ATP2A2: variants seen among roughly 807,000 people sequenced by gnomAD.
ATP2A2 encodes the protein sarcoplasmic/endoplasmic reticulum calcium ATPase 2.
A neutral mutation model predicts 109.3 loss-of-function variants in ATP2A2; 14 were observed. The observed-to-expected ratio is 0.13, with a 90% CI of 0.08 to 0.20. The LOEUF is 0.20. Among genes scored for constraint, ATP2A2 ranks in the 10% least tolerant of loss-of-function variants. The pLI is 1.00. For synonymous variants in ATP2A2, 506 were observed against 490.9 expected, an observed-to-expected ratio of 1.03 and a Z score of -0.41; for missense variants, 657 against 1,321.6, an observed-to-expected ratio of 0.50 and a Z score of 7.80.
In ATP2A2 at chr12:110,347,082, G is replaced by T. The variant is rs1879945370; in HGVS notation, c.*612G>T. The stretch of plus-strand genomic sequence containing the variant: ...CCCGCTTGGCTTCTTCTTTAGGATT[G>T]TGATGGTTCGTTCTGTTTACATCAG... On this transcript the variant is annotated 3_prime_UTR_variant, in exon 20 of 20. Coordinates refer to ENST00000539276, the MANE Select transcript of ATP2A2 (RefSeq NM_170665.4). 3 of 1,030,722 alleles carry T rather than the reference G, an allele frequency of 2.9e-6. No homozygotes were observed. In the African/African-American group the frequency reaches 6.5e-5, roughly 22 times the overall value. 63.8% of individuals were successfully genotyped at this position (1,030,722 alleles called of 1,614,324 possible).
intron 5 of ATP2A2, among the ~76,000 whole-genome samples, chr12:110,321,220 T>C (rs1259204165): frequency 6.6e-6 from 1 of 152,226 alleles, no homozygotes; most frequent in Non-Finnish European, 1.5e-5. Flanking sequence ...AGAGCAAGAC[T>C]CTGTCTCTGA....
rs1326128596 is a variant in ATP2A2, at chr12:110,346,902, G to A, written c.*432G>A. 3.7e-6 allele frequency: 4 copies of A among 1,086,586 alleles called. No homozygotes were observed. The African/African-American group carries it at 6.8e-5, about 19-fold the overall frequency. The allele number at this position is 1,086,586 out of a possible 1,614,324, so 67.3% of individuals were successfully genotyped here. ...TTGCATGATGATCCGGATTTAATTT[G>A]ATATCACAGTCTAATTTTTATTCAT... is the stretch of plus-strand genomic sequence containing the variant. On this transcript the variant is annotated 3_prime_UTR_variant, in exon 20 of 20. Transcript: ENST00000539276.
intron 5 of ATP2A2, among the ~76,000 whole-genome samples, chr12:110,320,795 A>C (rs1471050152): frequency 1.3e-5 from 2 of 152,238 alleles, no homozygotes; most frequent in East Asian, 3.8e-4. Flanking sequence ...TATATTGACA[A>C]ACTGTGCCGC....
intron 4 of ATP2A2, among the ~76,000 whole-genome samples, 168 bp downstream of exon 4, chr12:110,292,292 A>G (rs191446332): frequency 6.7e-4 from 102 of 152,122 alleles, no homozygotes; most frequent in Admixed American, 2.0e-3. Context: ...TTTCTGACAC[A>G]GTCTCACTCT....
At chr12:110,320,937 G>T (rs1877176583) in intron 5 of ATP2A2, among the ~76,000 whole-genome samples, 1 of 152,226 alleles carries the variant, frequency 6.6e-6, no homozygotes, top group Non-Finnish European at 1.5e-5. Flanking sequence ...GGTTTAAGAA[G>T]TTCAGTGTTG....
chr12:110,308,944 G>A (rs554425483), intron 5 of ATP2A2, among the ~76,000 whole-genome samples: 2 of 152,112 alleles, frequency 1.3e-5, no homozygotes, highest in South Asian at 2.1e-4. Context: ...CTGACTTAAC[G>A]ATTTTGATAT....
intron 16 of ATP2A2, 150 bp downstream of exon 16, chr12:110,343,584 A>G: frequency 4.4e-6 from 4 of 911,256 alleles, no homozygotes; most frequent in Non-Finnish European, 5.1e-6. Flanking sequence ...TCGATGAACT[A>G]TACATCCAAT....
At chr12:110,326,318 C>T in intron 6 of ATP2A2, 72 bp from the exon 7 acceptor site, 1 of 1,351,668 alleles carries the variant, frequency 7.4e-7, no homozygotes, top group Non-Finnish European at 1.0e-6. Flanking sequence ...AATGGGTGGG[C>T]ATGAATGAGA....
Position 110,349,571 on chromosome 12 carries a change from T to A in ATP2A2, c.*3101T>A. 1 of 986,516 alleles carries A rather than the reference T, an allele frequency of 1.0e-6. No homozygotes were observed. The highest frequency in any genetic ancestry group is 1.2e-6 in the Non-Finnish European group (1 of 830,724). The allele number at this position is 986,516 out of a possible 1,614,324, so 61.1% of individuals were successfully genotyped here. On this transcript the variant is annotated 3_prime_UTR_variant, in exon 20 of 20. Coordinates refer to ENST00000539276, the MANE Select transcript of ATP2A2 (RefSeq NM_170665.4). Reference sequence around the variant, plus strand: ...AAGCAGGGCATCTGGCCGACTTCCCTCACAACAGCTGCTCCCACATCCCCT... The same window carrying A: ...AAGCAGGGCATCTGGCCGACTTCCCACACAACAGCTGCTCCCACATCCCCT...
At chr12:110,282,441 T>TA (rs757531836) in intron 1 of ATP2A2, among the ~76,000 whole-genome samples, 163 bp from the exon 2 acceptor site, 15 of 152,170 alleles carry the variant, frequency 9.9e-5, no homozygotes, top group Non-Finnish European at 1.6e-4. Flanking sequence ...TGCCCTCTGC[T>TA]AAAAAAATCG....
chr12:110,280,815 G>C (rs1460375672), upstream of ATP2A2: 1 of 152,244 alleles, frequency 6.6e-6, no homozygotes, highest in Admixed American at 6.5e-5. Flanking sequence ...GACCGAGGGC[G>C]AGGAGGCGAG....
At chr12:110,331,263 TA>T (rs1878311558) in intron 8 of ATP2A2, 1 of 152,146 alleles carries the variant, frequency 6.6e-6, no homozygotes, top group Non-Finnish European at 1.5e-5. Flanking sequence ...AAAGTTATTT[TA>T]AAATAAAGAT....
chr12:110,306,916 G>T (rs758243895), intron 5 of ATP2A2, among the ~76,000 whole-genome samples: 1 of 151,740 alleles, frequency 6.6e-6, no homozygotes, highest in Non-Finnish European at 1.5e-5. Flanking sequence ...TGCCCACCAC[G>T]CCCAACTAAT....
intron 16 of ATP2A2, among the ~76,000 whole-genome samples, chr12:110,344,607 G>A (rs1345467405): frequency 1.3e-5 from 2 of 152,242 alleles, no homozygotes; most frequent in African/African-American, 4.8e-5. Flanking sequence ...ACGGCAAGGG[G>A]AAAGGTTGGC....
At chr12:110,302,593 T>TTAC (rs1414116049) in intron 5 of ATP2A2, among the ~76,000 whole-genome samples, 33 of 149,722 alleles carry the variant, frequency 2.2e-4, no homozygotes, top group Non-Finnish European at 1.2e-4. Flanking sequence ...ACTATTATTA[T>TTAC]TATTATTATT....
chr12:110,288,075 A>G (rs1355878771), intron 3 of ATP2A2, among the ~76,000 whole-genome samples: 2 of 143,586 alleles, frequency 1.4e-5, no homozygotes, highest in African/African-American at 5.2e-5. Flanking sequence ...AGCTGGGACT[A>G]TAGGTGTGAG....
intron 3 of ATP2A2, among the ~76,000 whole-genome samples, chr12:110,291,149 C>T (rs1016653222): frequency 7.9e-5 from 12 of 151,782 alleles, no homozygotes; most frequent in African/African-American, 2.9e-4. Context: ...CTCAGGTGAT[C>T]CCCCCGCCTT....
chr12:110,330,080 A>ACC (rs1420500640), intron 8 of ATP2A2: 1 of 152,254 alleles, frequency 6.6e-6, no homozygotes, highest in Non-Finnish European at 1.5e-5. Flanking sequence ...ACACAGTGTT[A>ACC]CATTTTCCTA....
Position 110,342,094 on chromosome 12 carries a change from A to G in ATP2A2, c.2098-134A>G. The G allele has an allele frequency of 9.8e-7, 1 of 1,021,258 alleles. No individual in the cohort carries two copies. Among genetic ancestry groups the G allele is most frequent in the Non-Finnish European group, 1.5e-6 (1 of 668,546 alleles). The allele number at this position is 1,021,258 out of a possible 1,614,324, so 63.3% of individuals were successfully genotyped here. On this transcript the variant is annotated intron_variant, in intron 14 of 19. Transcript: ENST00000539276. This position sits in a 1 kb window ranked among gnomAD's most constrained non-coding sequence, Gnocchi z 4.6. ...TTTGTGACACCAACTTATGAAACAA[A>G]AATTCTAAAACTCTTTGCCAAGAGA... is the stretch of plus-strand genomic sequence containing the variant.
Sources: allele counts gnomAD v4.1 joint callset (sites outside exome capture counted in the v4.1 genomes callset), GRCh38; gene constraint gnomAD v4.1.1; non-coding constraint Gnocchi (gnomAD v3.1); transcripts MANE v1.5; gene names NCBI Gene and HGNC (gene_info 2026-07-23, HGNC 2026-07-21).